Variants in MTHFD1L observed in about 807,000 individuals in gnomAD.
The protein encoded by MTHFD1L is monofunctional C1-tetrahydrofolate synthase, mitochondrial.
A neutral mutation model predicts 119.5 loss-of-function variants in MTHFD1L; 81 were observed. The ratio of observed to expected loss-of-function variants is 0.68; its 90% CI spans 0.57 to 0.82. The LOEUF (loss-of-function observed/expected upper bound fraction) is 0.82. MTHFD1L is among the 40% of genes least tolerant of loss of function. The probability of loss-of-function intolerance (pLI) is 0.00; values close to 1 mark genes in which losing one functional copy is unlikely to be tolerated. For synonymous variants in MTHFD1L, 430 were observed against 475.2 expected (o/e 0.90, Z 1.24); for missense variants, 1,125 against 1,253.4 (o/e 0.90, Z 1.55).
chr6:150,890,080 C>T lies in MTHFD1L; in HGVS notation c.780+2099C>T, dbSNP rs541700438. ...CTGAGGCAGGAGAATTGCTTGAACCCGGGAGGCAGAGGTTGCGGTGAGCCG... is the reference window on the plus strand; with the variant it reads ...CTGAGGCAGGAGAATTGCTTGAACCTGGGAGGCAGAGGTTGCGGTGAGCCG... On this transcript the variant is annotated intron_variant, in intron 7 of 27. Transcript: ENST00000367321. Among the ~76,000 whole-genome samples the T allele has an allele frequency of 7.9e-5, 12 of 151,214 alleles. No individual in the cohort carries two copies. In the South Asian group the frequency reaches 1.7e-3, roughly 21 times the overall value.
At chr6:151,076,642 CTCTG>C (rs1792551540) in intron 26 of MTHFD1L, among the ~76,000 whole-genome samples, 1 of 139,598 alleles carries the variant, frequency 7.2e-6, no homozygotes, top group African/African-American at 2.7e-5. Context: ...CAGAGTGATA[CTCTG>C]TCTAAAAAAA....
intron 24 of MTHFD1L, among the ~76,000 whole-genome samples, chr6:151,021,409 G>A (rs1783927430): frequency 6.6e-6 from 1 of 152,128 alleles, no homozygotes; most frequent in Non-Finnish European, 1.5e-5. Context: ...CTAGACAGGT[G>A]TGGTGTCACG....
intron 1 of MTHFD1L, chr6:150,866,373 G>T (rs1778315240): frequency 2.1e-6 from 3 of 1,407,874 alleles, no homozygotes; most frequent in Non-Finnish European, 2.8e-6. Context: ...AATCGCGCCG[G>T]GCGCGACCCA....
chr6:150,903,186 G>A (rs1481860861), intron 7 of MTHFD1L, among the ~76,000 whole-genome samples: 1 of 146,078 alleles, frequency 6.8e-6, no homozygotes, highest in Non-Finnish European at 1.5e-5. Context: ...TAGATTGCTG[G>A]TGATATTGGC....
At chr6:150,965,177 G>A (rs1797010828) in intron 19 of MTHFD1L, 140 bp downstream of exon 19, 2 of 700,134 alleles carry the variant, frequency 2.9e-6, no homozygotes, top group Non-Finnish European at 5.0e-6. Context: ...GAAAGAGTGA[G>A]GATCTGGTTA....
At chr6:151,075,684 A>G (rs1457901990) in intron 26 of MTHFD1L, among the ~76,000 whole-genome samples, 1 of 152,204 alleles carries the variant, frequency 6.6e-6, no homozygotes, top group Admixed American at 6.5e-5. Context: ...TACACAGAAC[A>G]TTTGCCAAAA....
chr6:150,955,016 T>A (rs1308958438), intron 16 of MTHFD1L, among the ~76,000 whole-genome samples: 1 of 152,160 alleles, frequency 6.6e-6, no homozygotes, highest in Non-Finnish European at 1.5e-5. Flanking sequence ...TACTTTTGCT[T>A]TTTAAAATTG....
chr6:150,896,762 T>C (rs1423778807), intron 7 of MTHFD1L, among the ~76,000 whole-genome samples: 4 of 151,960 alleles, frequency 2.6e-5, no homozygotes, highest in Non-Finnish European at 5.9e-5. Flanking sequence ...CTTAGCAGTG[T>C]TGAGGGAAGG....
chr6:151,080,995 C>G (rs1018661022), intron 26 of MTHFD1L, among the ~76,000 whole-genome samples: 3 of 152,158 alleles, frequency 2.0e-5, no homozygotes, highest in Non-Finnish European at 4.4e-5. Context: ...CCTCGACTTC[C>G]TGTCTCCAAA....
intron 26 of MTHFD1L, among the ~76,000 whole-genome samples, chr6:151,045,340 C>T (rs1249222071): frequency 2.0e-5 from 3 of 152,184 alleles, no homozygotes; most frequent in Admixed American, 6.5e-5. Flanking sequence ...CCACTCCCCC[C>T]AGCAGGTCCG....
intron 26 of MTHFD1L, among the ~76,000 whole-genome samples, chr6:151,050,616 A>G (rs1041417956): frequency 6.6e-5 from 10 of 152,126 alleles, no homozygotes; most frequent in African/African-American, 2.4e-4. Flanking sequence ...CAGACTTGCG[A>G]CTGGTATGGT....
intron 20 of MTHFD1L, among the ~76,000 whole-genome samples, chr6:150,992,342 A>G (rs555052922): frequency 6.6e-6 from 1 of 152,334 alleles, no homozygotes; most frequent in South Asian, 2.1e-4. Flanking sequence ...ACATAACACA[A>G]TGCTATATTC....
In MTHFD1L at chr6:151,002,457, T is replaced by C. The variant is rs571630604; in HGVS notation, c.2126-7362T>C. Among the ~76,000 whole-genome samples, 4 of 152,284 alleles carry C rather than the reference T, an allele frequency of 2.6e-5. No homozygotes were observed. In the South Asian group the frequency reaches 6.2e-4, roughly 24 times the overall value. On this transcript the variant is annotated intron_variant, in intron 20 of 27. Coordinates refer to ENST00000367321, the MANE Select transcript of MTHFD1L (RefSeq NM_015440.5). ...GCCCTCTCCCCATGCCTCGGTCTCTTAGAATGGTTTTTCCCCATCGTGTGC... is the reference window on the plus strand; with the variant it reads ...GCCCTCTCCCCATGCCTCGGTCTCTCAGAATGGTTTTTCCCCATCGTGTGC...
chr6:150,866,727 C>T, intron 1 of MTHFD1L: 1 of 1,081,930 alleles, frequency 9.2e-7, no homozygotes, highest in Non-Finnish European at 1.1e-6. Context: ...CACGGAGTCC[C>T]CGCGCAGCTG....
chr6:150,954,874 G>A (rs1795384645), intron 16 of MTHFD1L, among the ~76,000 whole-genome samples: 1 of 151,908 alleles, frequency 6.6e-6, no homozygotes, highest in Non-Finnish European at 1.5e-5. Context: ...GCCTCCCAAA[G>A]TGCTGGGAGG....
At chr6:151,061,024 G>C (rs996324710) in intron 26 of MTHFD1L, among the ~76,000 whole-genome samples, 1 of 152,184 alleles carries the variant, frequency 6.6e-6, no homozygotes, top group Non-Finnish European at 1.5e-5. Context: ...TAAACTCAAT[G>C]AACAGGAGCG....
intron 20 of MTHFD1L, among the ~76,000 whole-genome samples, chr6:150,999,980 C>T (rs1271139964): frequency 1.3e-5 from 2 of 152,212 alleles, no homozygotes; most frequent in Non-Finnish European, 2.9e-5. Context: ...CAATCTTCCC[C>T]TAATGTGTAT....
chr6:151,014,258 G>A (rs770240303), intron 22 of MTHFD1L, among the ~76,000 whole-genome samples: 95 of 152,056 alleles, frequency 6.2e-4, no homozygotes, highest in Non-Finnish European at 1.1e-3. Context: ...GAAATGGATG[G>A]GATGAAAGGA....
intron 10 of MTHFD1L, among the ~76,000 whole-genome samples, chr6:150,924,441 G>A (rs140470632): frequency 5.3e-4 from 80 of 151,348 alleles, no homozygotes; most frequent in African/African-American, 1.9e-3. Context: ...CAAAGTGCTG[G>A]GCTTACAGGC....
Sources: gnomAD v4.1 joint callset for allele counts (sites outside exome capture counted in the v4.1 genomes callset) on GRCh38, gnomAD v4.1.1 for gene constraint, MANE v1.5 for transcripts, NCBI Gene and HGNC (gene_info 2026-07-23, HGNC 2026-07-21) for gene names.